The following CELF4 variants were observed in gnomAD, a reference collection of about 807,000 sequenced individuals.
The protein encoded by CELF4 is CUG-BP- and ETR-3-like factor 4.
CELF4 carries 18 observed loss-of-function variants against 59.9 expected under a neutral mutation model. That is an observed-to-expected ratio of 0.30 (90% CI 0.21 to 0.45). The LOEUF is 0.45. Among genes scored for constraint, CELF4 ranks in the 20% least tolerant of loss-of-function variants. The pLI, the probability that CELF4 is intolerant of heterozygous loss-of-function variation, is 1.00. For synonymous variants in CELF4, 261 were observed against 267.1 expected, an observed-to-expected ratio of 0.98 and a Z score of 0.22; for missense variants, 456 against 689.0, an observed-to-expected ratio of 0.66 and a Z score of 3.79.
At chr18:37,558,948 G>A (rs1168177035) in intron 1 of CELF4, among the ~76,000 whole-genome samples, 1 of 152,080 alleles carries the variant, frequency 6.6e-6, no homozygotes, top group African/African-American at 2.4e-5. Context: ...GATTCCAGAT[G>A]GAAGGTCATT....
chr18:37,266,258 C>T, intron 9 of CELF4: 1 of 560,948 alleles, frequency 1.8e-6, no homozygotes, highest in Non-Finnish European at 3.2e-6. Flanking sequence ...GGAAATCTGG[C>T]CTCAAAGACA....
intron 7 of CELF4, 112 bp downstream of exon 7, chr18:37,272,904 C>T (rs2091977361): frequency 9.2e-7 from 1 of 1,083,406 alleles, no homozygotes; most frequent in South Asian, 1.5e-5. Flanking sequence ...CGGGCCCAGA[C>T]ACTATGTGCT....
At position 37,274,299 on chromosome 18, in the gene CELF4, G is replaced by A. The variant is rs1211865100; in HGVS notation, c.801+12C>T. The A allele has an allele frequency of 1.2e-6, 2 of 1,608,896 alleles. No homozygotes were observed. The highest frequency in any genetic ancestry group is 1.3e-5 in the African/African-American group (1 of 74,608). On this transcript the variant is annotated intron_variant, in intron 6 of 12. Coordinates refer to ENST00000420428, the MANE Select transcript of CELF4 (RefSeq NM_020180.4). Reference sequence around the variant, plus strand: ...AGCTTGAGAACCGCTGCCCGTGCGCGCTGCCACTTACTGCCTGAGCGTAGG... The same window carrying A: ...AGCTTGAGAACCGCTGCCCGTGCGCACTGCCACTTACTGCCTGAGCGTAGG...
chr18:37,378,215 G>C (rs2098994144), intron 2 of CELF4, among the ~76,000 whole-genome samples: 1 of 152,186 alleles, frequency 6.6e-6, no homozygotes, highest in Non-Finnish European at 1.5e-5. Context: ...CGAGAGGACT[G>C]CTCGCCCCAC....
At chr18:37,544,821 G>A (rs947276573) in intron 1 of CELF4, among the ~76,000 whole-genome samples, 9 of 152,208 alleles carry the variant, frequency 5.9e-5, no homozygotes, top group Admixed American at 1.3e-4. Flanking sequence ...CAGGGGCCAT[G>A]AGGCAAGCCA....
chr18:37,404,417 T>C (rs1392480214), intron 2 of CELF4, among the ~76,000 whole-genome samples: 1 of 152,214 alleles, frequency 6.6e-6, no homozygotes, highest in East Asian at 1.9e-4. Context: ...GTTTTCAGCT[T>C]ATTAACTCAC....
chr18:37,321,763 A>AGAGGGG lies in CELF4; in HGVS notation c.448+34_448+39dup, dbSNP rs768843755. On this transcript the variant is annotated intron_variant, in intron 3 of 12. Transcript: ENST00000420428. Reference sequence around the variant, plus strand: ...GCGTCGGGAAAAGGAGGGAGGAGTGAGAGGGGGAGGGGGAGGGGCAGAGAC... The same window carrying AGAGGGG: ...GCGTCGGGAAAAGGAGGGAGGAGTGAGAGGGGGAGGGGGAGGGGGAGGGGCAGAGAC... 7.7e-6 allele frequency: 11 copies of AGAGGGG among 1,425,784 alleles called. No individual in the cohort carries two copies. The Admixed American group carries it at 1.5e-4, about 20-fold the overall frequency. The allele number at this position is 1,425,784 out of a possible 1,614,324, so 88.3% of individuals were successfully genotyped here. A position where few individuals can be genotyped will look rare whatever the true frequency, so the allele number is the denominator to read the frequency against.
chr18:37,549,049 G>A (rs2099982319), intron 1 of CELF4, among the ~76,000 whole-genome samples: 1 of 152,216 alleles, frequency 6.6e-6, no homozygotes, highest in South Asian at 2.1e-4. Flanking sequence ...AGGGGTGACT[G>A]GTGAAGCGGG....
chr18:37,513,028 C>T (rs1294620497), intron 1 of CELF4, among the ~76,000 whole-genome samples: 2 of 152,114 alleles, frequency 1.3e-5, no homozygotes, highest in Non-Finnish European at 2.9e-5. Context: ...TGGTGGATCT[C>T]AGGGGCACAG....
intron 2 of CELF4, among the ~76,000 whole-genome samples, chr18:37,468,784 G>A (rs1402554098): frequency 6.6e-6 from 1 of 152,116 alleles, no homozygotes; most frequent in Non-Finnish European, 1.5e-5. Context: ...GAGAGCGAAT[G>A]AGCAAAGGAG....
intron 3 of CELF4, among the ~76,000 whole-genome samples, chr18:37,286,924 G>C (rs2094843053): frequency 6.6e-6 from 1 of 152,192 alleles, no homozygotes; most frequent in Non-Finnish European, 1.5e-5. Context: ...CGAGACCCAG[G>C]AGGGAGCCCA....
intron 1 of CELF4, among the ~76,000 whole-genome samples, chr18:37,513,433 A>T (rs2099946806): frequency 6.6e-6 from 1 of 152,204 alleles, no homozygotes; most frequent in South Asian, 2.1e-4. Context: ...GCAGGTGTTC[A>T]GCAAATGTGT....
chr18:37,456,877 G>C (rs1390013476), intron 2 of CELF4, among the ~76,000 whole-genome samples: 1 of 152,100 alleles, frequency 6.6e-6, no homozygotes, highest in Non-Finnish European at 1.5e-5. Context: ...CACACCTCGG[G>C]AACTCCTCCA....
chr18:37,306,719 T>C (rs138511067), intron 3 of CELF4, among the ~76,000 whole-genome samples: 1 of 152,020 alleles, frequency 6.6e-6, no homozygotes, highest in Non-Finnish European at 1.5e-5. Context: ...TGGTGAGCGG[T>C]GAGCGGATAA....
intron 3 of CELF4, among the ~76,000 whole-genome samples, chr18:37,297,179 C>T (rs889765471): frequency 3.3e-5 from 5 of 152,142 alleles, no homozygotes; most frequent in African/African-American, 1.2e-4. Context: ...TCCCTTTCCT[C>T]TCCCTGGCCC....
At chr18:37,562,100 C>T (rs1239305332) in intron 1 of CELF4, among the ~76,000 whole-genome samples, 2 of 152,126 alleles carry the variant, frequency 1.3e-5, no homozygotes, top group East Asian at 1.9e-4. Flanking sequence ...ACAGTAATCA[C>T]CCCAGTCCAC....
chr18:37,461,119 A>T (rs1376139306), intron 2 of CELF4, among the ~76,000 whole-genome samples: 1 of 152,188 alleles, frequency 6.6e-6, no homozygotes, highest in East Asian at 1.9e-4. Flanking sequence ...TATCTAAGAC[A>T]GGAGCCACCC....
chr18:37,457,306 C>T (rs928739728), intron 2 of CELF4, among the ~76,000 whole-genome samples: 2 of 152,154 alleles, frequency 1.3e-5, no homozygotes, highest in African/African-American at 4.8e-5. Context: ...GCAGGGCTTC[C>T]TCCTCCTCAG....
chr18:37,249,713 C>T (rs1332790193), intron 12 of CELF4, among the ~76,000 whole-genome samples: 1 of 152,144 alleles, frequency 6.6e-6, no homozygotes, highest in Non-Finnish European at 1.5e-5. Context: ...GCTCACAGAG[C>T]ACAGCCCTAG....
Sources: gnomAD v4.1 joint callset for allele counts (sites outside exome capture counted in the v4.1 genomes callset) on GRCh38, gnomAD v4.1.1 for gene constraint, MANE v1.5 for transcripts, NCBI Gene and HGNC (gene_info 2026-07-23, HGNC 2026-07-21) for gene names.